Variants in PDE11A observed in about 807,000 individuals in gnomAD.
PDE11A encodes dual 3',5'-cyclic-AMP and -GMP phosphodiesterase 11A.
In PDE11A, 100 loss-of-function variants were observed where a neutral mutation model predicts 100.5. The ratio of observed to expected loss-of-function variants is 1.00; its 90% CI spans 0.85 to 1.18. The LOEUF is 1.18. Ranked by LOEUF, PDE11A falls within the 50% of genes most tolerant of loss-of-function variation. The pLI is 0.00. For missense variants in PDE11A, 1,141 were observed against 1,152.6 expected (o/e 0.99, Z 0.15); for synonymous variants, 381 against 420.8 (o/e 0.91, Z 1.16).
intron 10 of PDE11A, among the ~76,000 whole-genome samples, chr2:177,740,020 T>C (rs1311143464): frequency 6.6e-6 from 1 of 152,230 alleles, no homozygotes; most frequent in Non-Finnish European, 1.5e-5. Context: ...CACAAGTACA[T>C]ACATGCACAC....
chr2:177,637,036 C>CT (rs144857877), intron 19 of PDE11A, among the ~76,000 whole-genome samples: 399 of 152,326 alleles, frequency 2.6e-3, no homozygotes, highest in African/African-American at 9.0e-3. Flanking sequence ...TCCTCACCTC[C>CT]TTTTTCTGAA....
At chr2:178,074,545 C>T (rs866045806), upstream of PDE11A, among the ~76,000 whole-genome samples, 50 of 152,220 alleles carry the variant, frequency 3.3e-4, no homozygotes, top group African/African-American at 1.1e-3. Flanking sequence ...CAACCCTGGG[C>T]TTCCTAGAAA....
chr2:177,662,458 A>T (rs1015973455), intron 19 of PDE11A, among the ~76,000 whole-genome samples: 1 of 152,224 alleles, frequency 6.6e-6, no homozygotes, highest in Admixed American at 6.5e-5. Flanking sequence ...AATAACATTA[A>T]AAAGTAATTC....
chr2:178,056,661 T>C (rs2086902861), intron 1 of PDE11A, among the ~76,000 whole-genome samples: 1 of 152,210 alleles, frequency 6.6e-6, no homozygotes, highest in South Asian at 2.1e-4. Flanking sequence ...ATATATCTGA[T>C]ATTAAAATGG....
intron 1 of PDE11A, among the ~76,000 whole-genome samples, chr2:178,053,410 C>T (rs2086854561): frequency 6.6e-6 from 1 of 152,174 alleles, no homozygotes; most frequent in South Asian, 2.1e-4. Flanking sequence ...CAATATCATA[C>T]TGAATGGGCA....
chr2:177,771,083 C>G (rs974457576), intron 9 of PDE11A, among the ~76,000 whole-genome samples: 10 of 152,318 alleles, frequency 6.6e-5, no homozygotes, highest in African/African-American at 2.2e-4. Context: ...CCCGCCTCAG[C>G]CTCCCAAAGT....
intron 2 of PDE11A, among the ~76,000 whole-genome samples, chr2:177,945,712 C>A (rs1333859602): frequency 6.7e-6 from 1 of 150,068 alleles, no homozygotes; most frequent in Non-Finnish European, 1.5e-5. Context: ...GCAGCCACCC[C>A]GTCCGGGAGG....
rs116601550 is a variant in PDE11A, at chr2:177,931,681, G to A, written c.1072-26494C>T. On this transcript the variant is annotated intron_variant, in intron 2 of 19. Coordinates refer to ENST00000286063, the MANE Select transcript of PDE11A (RefSeq NM_016953.4). Reference sequence around the variant, plus strand: ...AAGAGCAAAGTTTATAGCACTAAACGTCTACCTCAAAAAGTTAGAAAGATC... The same window carrying A: ...AAGAGCAAAGTTTATAGCACTAAACATCTACCTCAAAAAGTTAGAAAGATC... 5.8e-3 allele frequency among the ~76,000 whole-genome samples: 887 copies of A among 152,108 alleles called. 8 individuals carry two copies. The highest frequency in any genetic ancestry group is 0.02 in the African/African-American group (816 of 41,510).
chr2:177,652,157 G>A (rs2080320701), intron 19 of PDE11A, among the ~76,000 whole-genome samples: 2 of 152,192 alleles, frequency 1.3e-5, no homozygotes, highest in Admixed American at 1.3e-4. Context: ...CTTGGATGAG[G>A]GAAGAGGTTG....
At chr2:177,727,873 C>T in intron 11 of PDE11A, 108 bp from the exon 12 acceptor site, 2 of 971,310 alleles carry the variant, frequency 2.1e-6, no homozygotes, top group South Asian at 2.6e-5. Context: ...AAAGGCCTTC[C>T]ACAAACATCT....
chr2:177,709,153 C>A (rs530345746), intron 13 of PDE11A, among the ~76,000 whole-genome samples: 1 of 152,074 alleles, frequency 6.6e-6, no homozygotes, highest in African/African-American at 2.4e-5. Flanking sequence ...GGCAGGAGTC[C>A]GAATGAAAAG....
At chr2:177,820,490 C>A (rs1405000374) in intron 6 of PDE11A, among the ~76,000 whole-genome samples, 195 bp from the exon 7 acceptor site, 1 of 151,900 alleles carries the variant, frequency 6.6e-6, no homozygotes, top group East Asian at 1.9e-4. Flanking sequence ...AGGAATCAAA[C>A]CCAAGCCAAA....
At chr2:177,776,683 G>A (rs1434532324) in intron 9 of PDE11A, among the ~76,000 whole-genome samples, 2 of 152,010 alleles carry the variant, frequency 1.3e-5, no homozygotes, top group Non-Finnish European at 2.9e-5. Flanking sequence ...ATATGACTGG[G>A]GTCCTTACAA....
chr2:177,933,171 T>A (rs7556748), intron 2 of PDE11A, among the ~76,000 whole-genome samples: 5,783 of 152,024 alleles, frequency 0.038, 378 homozygotes, highest in African/African-American at 0.13. Context: ...TTTAAAAAGA[T>A]CGTAGATGAC....
intron 2 of PDE11A, among the ~76,000 whole-genome samples, chr2:177,952,826 A>G (rs1030933090): frequency 6.6e-6 from 1 of 152,170 alleles, no homozygotes; most frequent in Non-Finnish European, 1.5e-5. Context: ...TATTATAGTT[A>G]TTAGTTTTCT....
intron 2 of PDE11A, among the ~76,000 whole-genome samples, chr2:178,008,841 G>A (rs966197835): frequency 1.1e-4 from 16 of 152,174 alleles, no homozygotes; most frequent in African/African-American, 3.1e-4. Context: ...ATGGGGTGGC[G>A]GAACATGTCG....
Position 177,711,833 on chromosome 2 carries a change from C to T in PDE11A, c.2089G>A (p.Val697Met), listed in dbSNP as rs758968516. Residue 697 changes from valine to methionine, a missense_variant, in exon 13 of 20, where the codon GTG (valine) becomes ATG (methionine). Transcript: ENST00000286063. ...DILTEVEILA[V>M]IVGCLCHDLD... ...TCATGACACAGGCATCCCACAATCACCGCTAAAATTTCCACCTCGGTCAGA... is the reference window on the plus strand; with the variant it reads ...TCATGACACAGGCATCCCACAATCATCGCTAAAATTTCCACCTCGGTCAGA... The T allele has an allele frequency of 6.8e-6, 11 of 1,613,214 alleles. No individual in the cohort carries two copies. In the East Asian group the frequency reaches 2.5e-4, roughly 36 times the overall value.
intron 2 of PDE11A, among the ~76,000 whole-genome samples, chr2:178,086,166 C>A (rs1266634718): frequency 6.6e-6 from 1 of 152,214 alleles, no homozygotes; most frequent in Non-Finnish European, 1.5e-5. Flanking sequence ...CATAAGGTTT[C>A]TCCACACGCT....
At position 178,091,739 on chromosome 2, in the gene PDE11A, C is replaced by T. The variant is rs554947797; in HGVS notation, c.162+12563G>A. ...CCTTCCACCCAGGCCCTGCTGTAGACCTGCCCCACCATGCGTCTCTTATAT... is the reference window on the plus strand; with the variant it reads ...CCTTCCACCCAGGCCCTGCTGTAGATCTGCCCCACCATGCGTCTCTTATAT... On this transcript the variant is annotated intron_variant, in intron 2 of 20. Transcript: ENST00000358450. Among the ~76,000 whole-genome samples the T allele has an allele frequency of 3.3e-5, 5 of 151,886 alleles. No individual in the cohort carries two copies. The East Asian group carries it at 9.7e-4, about 30-fold the overall frequency.
Sources: allele counts gnomAD v4.1 joint callset (sites outside exome capture counted in the v4.1 genomes callset), GRCh38; gene constraint gnomAD v4.1.1; transcripts MANE v1.5; gene names NCBI Gene and HGNC (gene_info 2026-07-23, HGNC 2026-07-21).